The following SRL variants were observed in gnomAD, a reference collection of about 807,000 sequenced individuals.
SRL encodes sarcalumenin.
In SRL, 23 loss-of-function variants were observed where a neutral mutation model predicts 39.5. The observed-to-expected ratio is 0.58, with a 90% confidence interval of 0.42 to 0.82. SRL has a LOEUF of 0.82. SRL is among the 40% of genes least tolerant of loss of function. The pLI is 0.00. For missense variants in SRL, 592 were observed against 607.8 expected (o/e 0.97, Z 0.27); for synonymous variants, 272 against 237.4 (o/e 1.15, Z -1.34).
At chr16:4,225,141 C>G (rs557550530) in intron 1 of SRL, among the ~76,000 whole-genome samples, 13 of 140,666 alleles carry the variant, frequency 9.2e-5, no homozygotes, top group African/African-American at 3.4e-4. Flanking sequence ...GGGCCCAGAG[C>G]TTCTTTTTGA....
intron 1 of SRL, among the ~76,000 whole-genome samples, chr16:4,227,886 G>A (rs1031750960): frequency 3.3e-5 from 5 of 152,164 alleles, no homozygotes; most frequent in Non-Finnish European, 7.4e-5. Context: ...GGAGGGAAAG[G>A]CAAGCAGGCA....
At chr16:4,197,322 A>C (rs2052162659) in intron 4 of SRL, among the ~76,000 whole-genome samples, 1 of 151,194 alleles carries the variant, frequency 6.6e-6, no homozygotes, top group Admixed American at 6.6e-5. Context: ...CTCCTGCCTC[A>C]GCCTCCCAAA....
At position 4,192,954 on chromosome 16, in the gene SRL, G is replaced by A; in HGVS notation, c.621C>T (p.Phe207=). 1 of 1,609,692 alleles carries A rather than the reference G, an allele frequency of 6.2e-7. No homozygotes were observed. Among genetic ancestry groups the A allele is most frequent in the Non-Finnish European group, 8.5e-7 (1 of 1,178,314 alleles). The change falls in exon 6 of 6, where the codon TTC becomes TTT. Residue 207 remains phenylalanine, a synonymous_variant. Coordinates refer to ENST00000399609, the MANE Select transcript of SRL (RefSeq NM_001098814.2). This position sits in a 1 kb window ranked among gnomAD's most constrained non-coding sequence, Gnocchi z 4.0. ...NRKQQERGYP[F]NDVCQWFIDR... ...CGATGAACCACTGGCACACGTCGTT[G>A]AAGGGGTAGCCTTTGGGAGACAGAA...
chr16:4,204,582 G>T lies in SRL; in HGVS notation c.114C>A (p.Ile38=), dbSNP rs201728702. Residue 38 remains isoleucine, a synonymous_variant, in exon 2 of 6, where the codon ATC becomes ATA. Transcript: ENST00000399609. ...CCTCATTCAGCATGAGGGTCTTCTCGATGTGGGAGCGGTCCCTCAATGGGG... is the reference window on the plus strand; with the variant it reads ...CCTCATTCAGCATGAGGGTCTTCTCTATGTGGGAGCGGTCCCTCAATGGGG... ...EEAPLRDRSH[I]EKTLMLNEDK... is the part of the protein sequence containing the mutation. The T allele has an allele frequency of 6.2e-7, 1 of 1,614,192 alleles. No individual in the cohort carries two copies. The highest frequency in any genetic ancestry group is 1.1e-5 in the South Asian group (1 of 91,084).
chr16:4,221,901 G>C (rs1005743999), intron 1 of SRL, among the ~76,000 whole-genome samples: 1 of 152,190 alleles, frequency 6.6e-6, no homozygotes, highest in African/African-American at 2.4e-5. Context: ...TTCTCTGTGT[G>C]TCTGTGTCTT....
At chr16:4,226,984 G>T (rs952989584) in intron 1 of SRL, among the ~76,000 whole-genome samples, 3 of 149,910 alleles carry the variant, frequency 2.0e-5, no homozygotes, top group Non-Finnish European at 4.5e-5. Context: ...GAATAGGTGT[G>T]TGGGTGGATG....
chr16:4,233,533 T>G (rs1341140045), intron 1 of SRL, among the ~76,000 whole-genome samples: 1 of 152,118 alleles, frequency 6.6e-6, no homozygotes, highest in East Asian at 1.9e-4. Flanking sequence ...CTTCTGAACT[T>G]CAACCAGAGT....
In SRL at chr16:4,234,850, G is replaced by T. The variant is rs1228820161; in HGVS notation, c.61+7157C>A. ...CAGTCCCTCTGCGCTCAGAACCGGT[G>T]AACTATTTACCACCTCCGTGTTGAG... On this transcript the variant is annotated intron_variant, in intron 1 of 5. Transcript: ENST00000399609. Among the ~76,000 whole-genome samples, 3 of 152,342 alleles carry T rather than the reference G, an allele frequency of 2.0e-5. No individual in the cohort carries two copies. In the East Asian group the frequency reaches 5.8e-4, roughly 29 times the overall value.
At chr16:4,208,128 T>C (rs1477079203) in intron 1 of SRL, 4 of 423,776 alleles carry the variant, frequency 9.4e-6, no homozygotes, top group South Asian at 6.8e-5. Flanking sequence ...ACATGATTGG[T>C]CAGTTTCACA....
chr16:4,192,036 T>G lies in SRL; in HGVS notation c.*117A>C. The G allele has an allele frequency of 8.4e-7, 1 of 1,190,432 alleles. No homozygotes were observed. The highest frequency in any genetic ancestry group is 1.2e-6 in the Non-Finnish European group (1 of 842,156). The allele number at this position is 1,190,432 out of a possible 1,614,324, so 73.7% of individuals were successfully genotyped here. A position where few individuals can be genotyped will look rare whatever the true frequency, so the allele number is the denominator to read the frequency against. On this transcript the variant is annotated 3_prime_UTR_variant, in exon 6 of 6. Coordinates refer to ENST00000399609, the MANE Select transcript of SRL (RefSeq NM_001098814.2). This position sits in a 1 kb window ranked among gnomAD's most constrained non-coding sequence, Gnocchi z 4.0. ...CCCCTGGCCTCAATGAACTCCCAAC[T>G]CTCCACTGTGTAATAATTCCTGCCA...
At chr16:4,222,463 C>T (rs1433154627) in intron 1 of SRL, among the ~76,000 whole-genome samples, 5 of 152,150 alleles carry the variant, frequency 3.3e-5, no homozygotes, top group South Asian at 2.1e-4. Flanking sequence ...TTGGTAGATA[C>T]GGGGTTTTGC....
At chr16:4,217,948 G>A (rs1288173882) in intron 1 of SRL, among the ~76,000 whole-genome samples, 11 of 152,136 alleles carry the variant, frequency 7.2e-5, no homozygotes, top group Non-Finnish European at 1.2e-4. Flanking sequence ...CTCCCTGGCT[G>A]CCAGCCAGAG....
At chr16:4,212,162 C>T (rs1199696527) in intron 1 of SRL, among the ~76,000 whole-genome samples, 1 of 152,162 alleles carries the variant, frequency 6.6e-6, no homozygotes, top group Admixed American at 6.5e-5. Flanking sequence ...AAGCTCTTCC[C>T]TGGTTTTCAC....
intron 1 of SRL, among the ~76,000 whole-genome samples, chr16:4,220,446 G>C (rs2052512895): frequency 6.8e-6 from 1 of 147,864 alleles, no homozygotes; most frequent in Admixed American, 6.8e-5. Context: ...CACTGTCCTA[G>C]AAAAAAAAAA....
chr16:4,195,451 G>C, intron 5 of SRL, 102 bp downstream of exon 5: 1 of 1,153,176 alleles, frequency 8.7e-7, no homozygotes, highest in Non-Finnish European at 1.3e-6. Context: ...TCCTGTCTTG[G>C]TCTCCCAAAG....
intron 1 of SRL, among the ~76,000 whole-genome samples, chr16:4,222,282 G>A (rs1236063246): frequency 6.6e-6 from 1 of 152,164 alleles, no homozygotes; most frequent in Non-Finnish European, 1.5e-5. Flanking sequence ...CTATGTGACG[G>A]CTTTTTTTAA....
At chr16:4,211,269 G>A (rs900003618) in intron 1 of SRL, among the ~76,000 whole-genome samples, 3 of 152,076 alleles carry the variant, frequency 2.0e-5, no homozygotes, top group Non-Finnish European at 4.4e-5. Flanking sequence ...CTCCCTACTC[G>A]CAGGCCCACC....
At position 4,192,162 on chromosome 16, in the gene SRL, C is replaced by T; in HGVS notation, c.1413G>A (p.Arg471=). ...GCSETPKNRY[R]KH ...AGGACCGCTCCACCACCTAGTGCTT[C>T]CTGTAGCGATTTTTTGGTGTTTCGC... is the stretch of plus-strand genomic sequence containing the variant. Residue 471 remains arginine (R), a synonymous_variant, in exon 6 of 6, where the codon AGG becomes AGA. Coordinates refer to ENST00000399609, the MANE Select transcript of SRL (RefSeq NM_001098814.2). The surrounding 1 kb of genome is among the most constrained non-coding windows in gnomAD (Gnocchi z 4.0). 3.2e-6 allele frequency: 5 copies of T among 1,550,828 alleles called. No homozygotes were observed. The South Asian group carries it at 3.8e-5, about 12-fold the overall frequency.
intron 1 of SRL, among the ~76,000 whole-genome samples, 170 bp from the exon 2 acceptor site, chr16:4,204,804 T>C (rs544478283): frequency 6.6e-5 from 10 of 152,362 alleles, no homozygotes; most frequent in African/African-American, 1.7e-4. Context: ...ATCCAGACTC[T>C]ATGAAGTTCC....
Sources: allele counts gnomAD v4.1 joint callset (sites outside exome capture counted in the v4.1 genomes callset), GRCh38; gene constraint gnomAD v4.1.1; non-coding constraint Gnocchi (gnomAD v3.1); transcripts MANE v1.5; gene names NCBI Gene and HGNC (gene_info 2026-07-23, HGNC 2026-07-21).